Variants in TYW1 observed in about 807,000 individuals in gnomAD.
The protein encoded by TYW1 is S-adenosyl-L-methionine-dependent tRNA 4-demethylwyosine synthase TYW1.
Under a neutral mutation model 96.2 loss-of-function variants are expected in TYW1, and 46 were observed. That is an observed-to-expected ratio of 0.48 (90% CI 0.38 to 0.61). TYW1 has a LOEUF of 0.61. Among genes scored for constraint, TYW1 ranks in the 20% least tolerant of loss-of-function variants. The pLI, the probability that TYW1 is intolerant of heterozygous loss-of-function variation, is 0.00. For synonymous variants in TYW1, 274 were observed against 323.0 expected (o/e 0.85, Z 1.63); for missense variants, 684 against 909.6 (o/e 0.75, Z 3.19).
At chr7:66,997,917 T>A (rs1372875215) in intron 1 of TYW1, 148 bp from the exon 2 acceptor site, 10 of 1,104,244 alleles carry the variant, frequency 9.1e-6, no homozygotes. Flanking sequence ...GCATGAGCCA[T>A]CGTGCCCGGC....
At chr7:67,059,901 T>A (rs1341310121) in intron 9 of TYW1, among the ~76,000 whole-genome samples, 1 of 151,446 alleles carries the variant, frequency 6.6e-6, no homozygotes. Context: ...GCCTCCTGAG[T>A]AGCTGGGATT....
In TYW1 at chr7:66,996,841, G is replaced by A; in HGVS notation, c.-138G>A. ...AACCAATCAGGACCGGCCTGGCAGT[G>A]TCATGGCTGCCCACAGGTCTGCAGG... On this transcript the variant is annotated 5_prime_UTR_variant, in exon 1 of 16. Transcript: ENST00000359626. 1.3e-6 allele frequency: 2 copies of A among 1,508,686 alleles called. No homozygotes were observed. Among genetic ancestry groups the A allele is most frequent in the South Asian group, 1.2e-5 (1 of 83,890 alleles). The allele number at this position is 1,508,686 out of a possible 1,614,324, so 93.5% of individuals were successfully genotyped here. A position where few individuals can be genotyped will look rare whatever the true frequency, so the allele number is the denominator to read the frequency against.
intron 11 of TYW1, among the ~76,000 whole-genome samples, chr7:67,095,299 G>A (rs1050109185): frequency 1.4e-4 from 22 of 151,998 alleles, no homozygotes; most frequent in Non-Finnish European, 5.9e-5. Flanking sequence ...GTGCCCAACC[G>A]AACTGCATGC....
At chr7:67,221,202 A>G (rs1477845628) in intron 15 of TYW1, among the ~76,000 whole-genome samples, 1 of 152,122 alleles carries the variant, frequency 6.6e-6, no homozygotes, top group Non-Finnish European at 1.5e-5. Context: ...TATAATAGTT[A>G]TATGTTCTTG....
chr7:67,040,792 C>T (rs955844146), intron 7 of TYW1, among the ~76,000 whole-genome samples: 4 of 151,484 alleles, frequency 2.6e-5, no homozygotes, highest in South Asian at 4.2e-4. Flanking sequence ...TGTAGTGAGC[C>T]GAGATCACGC....
At chr7:67,134,701 C>G (rs1798188582) in intron 13 of TYW1, among the ~76,000 whole-genome samples, 1 of 150,964 alleles carries the variant, frequency 6.6e-6, no homozygotes, top group African/African-American at 2.4e-5. Context: ...TTCATTCTGC[C>G]AAGGGCTCCC....
At chr7:67,121,578 G>A (rs10241454) in intron 13 of TYW1, among the ~76,000 whole-genome samples, 41,332 of 150,880 alleles carry the variant, frequency 0.27, 6,490 homozygotes, top group African/African-American at 0.43. Flanking sequence ...AAAAACTCAA[G>A]TGATACCAGA....
intron 13 of TYW1, among the ~76,000 whole-genome samples, chr7:67,136,863 C>A (rs1798276820): frequency 6.6e-6 from 1 of 152,052 alleles, no homozygotes; most frequent in African/African-American, 2.4e-5. Flanking sequence ...CACTCTGTCG[C>A]CCAGGCTGGA....
intron 11 of TYW1, among the ~76,000 whole-genome samples, chr7:67,092,843 C>T (rs553478852): frequency 2.0e-5 from 3 of 151,814 alleles, no homozygotes; most frequent in East Asian, 1.9e-4. Context: ...CCACCATGCC[C>T]GGCTAATGTT....
intron 13 of TYW1, among the ~76,000 whole-genome samples, chr7:67,155,499 G>C (rs895878549): frequency 6.6e-6 from 1 of 152,054 alleles, no homozygotes; most frequent in East Asian, 1.9e-4. Flanking sequence ...CCTGTACACC[G>C]TGCAAAACTG....
chr7:67,045,822 G>T (rs745781888), intron 7 of TYW1, among the ~76,000 whole-genome samples: 3 of 152,194 alleles, frequency 2.0e-5, no homozygotes, highest in Non-Finnish European at 4.4e-5. Context: ...TTTTGCCATT[G>T]TCCCTTAGGA....
chr7:67,047,224 C>T (rs1195417645), intron 7 of TYW1, among the ~76,000 whole-genome samples: 5 of 152,158 alleles, frequency 3.3e-5, no homozygotes, highest in African/African-American at 9.6e-5. Flanking sequence ...TTTGCTTCAC[C>T]ACAAGACTTC....
At chr7:67,183,594 A>G (rs1799909581) in intron 14 of TYW1, among the ~76,000 whole-genome samples, 1 of 152,210 alleles carries the variant, frequency 6.6e-6, no homozygotes, top group Non-Finnish European at 1.5e-5. Context: ...TCAGACATAT[A>G]CGGAAGTAGA....
At chr7:67,201,422 A>G in intron 15 of TYW1, among the ~76,000 whole-genome samples, 1 of 148,060 alleles carries the variant, frequency 6.8e-6, no homozygotes. Context: ...GGGGTCTGAG[A>G]CAAAGGCTGT....
At chr7:67,132,074 G>A (rs1364842265) in intron 13 of TYW1, among the ~76,000 whole-genome samples, 2 of 151,698 alleles carry the variant, frequency 1.3e-5, no homozygotes, top group East Asian at 3.9e-4. Flanking sequence ...ACACACCCAG[G>A]AGCAATACTT....
chr7:67,189,213 C>T (rs990814905), intron 14 of TYW1, among the ~76,000 whole-genome samples: 2 of 152,102 alleles, frequency 1.3e-5, no homozygotes, highest in African/African-American at 2.4e-5. Flanking sequence ...TCAGGAAGGG[C>T]GACTGTAAAT....
intron 15 of TYW1, among the ~76,000 whole-genome samples, chr7:67,226,932 T>G (rs903089424): frequency 6.6e-6 from 1 of 151,958 alleles, no homozygotes; most frequent in African/African-American, 2.4e-5. Flanking sequence ...GTGTGGCTTG[T>G]AAGTATGATT....
intron 15 of TYW1, among the ~76,000 whole-genome samples, chr7:67,224,473 C>T (rs1246445461): frequency 6.6e-6 from 1 of 152,190 alleles, no homozygotes; most frequent in Non-Finnish European, 1.5e-5. Flanking sequence ...TCTCAGTTCA[C>T]CTTTGTTTCT....
chr7:67,112,165 C>T (rs932322757), intron 12 of TYW1, among the ~76,000 whole-genome samples: 1 of 147,078 alleles, frequency 6.8e-6, no homozygotes, highest in East Asian at 2.1e-4. Context: ...GGAATGATTT[C>T]TACAAGTTCA....
Sources: allele counts gnomAD v4.1 joint callset (sites outside exome capture counted in the v4.1 genomes callset), GRCh38; gene constraint gnomAD v4.1.1; transcripts MANE v1.5; gene names NCBI Gene and HGNC (gene_info 2026-07-23, HGNC 2026-07-21).